Variants in PRKACB observed in about 807,000 individuals in gnomAD.
PRKACB encodes cAMP-dependent protein kinase catalytic subunit beta.
A neutral mutation model predicts 51.4 loss-of-function variants in PRKACB; 16 were observed. The observed-to-expected ratio is 0.31, with a 90% confidence interval of 0.21 to 0.47. The LOEUF (loss-of-function observed/expected upper bound fraction) is 0.47, where lower values mean the gene tolerates loss of function less well. Among genes scored for constraint, PRKACB ranks in the 20% least tolerant of loss-of-function variants. The probability of loss-of-function intolerance (pLI) is 1.00; values close to 1 mark genes in which losing one functional copy is unlikely to be tolerated. For synonymous variants in PRKACB, 147 were observed against 154.4 expected, an observed-to-expected ratio of 0.95 and a Z score of 0.35; for missense variants, 309 against 464.5, an observed-to-expected ratio of 0.67 and a Z score of 3.08.
At chr1:84,158,468 A>G (rs554978784) in intron 1 of PRKACB, among the ~76,000 whole-genome samples, 1 of 152,154 alleles carries the variant, frequency 6.6e-6, no homozygotes, top group South Asian at 2.1e-4. Context: ...TTGTGTATGT[A>G]CTTTGGAGAA....
intron 1 of PRKACB, among the ~76,000 whole-genome samples, chr1:84,114,518 G>A (rs573034329): frequency 4.1e-4 from 62 of 151,956 alleles, no homozygotes; most frequent in Middle Eastern, 3.4e-3. Context: ...TTACATGTAT[G>A]TAATTTATAG....
intron 1 of PRKACB, among the ~76,000 whole-genome samples, chr1:84,096,760 A>C (rs1488825127): frequency 6.6e-6 from 1 of 152,066 alleles, no homozygotes; most frequent in Non-Finnish European, 1.5e-5. Context: ...AATCTGTGCA[A>C]TGAATCATAG....
chr1:84,134,534 T>C (rs2100565332), intron 1 of PRKACB, among the ~76,000 whole-genome samples: 1 of 152,240 alleles, frequency 6.6e-6, no homozygotes, highest in East Asian at 1.9e-4. Flanking sequence ...TGGACTTAGA[T>C]TAGTTAAAAA....
chr1:84,123,937 G>A (rs1438403316), intron 1 of PRKACB, among the ~76,000 whole-genome samples: 1 of 152,038 alleles, frequency 6.6e-6, no homozygotes, highest in Non-Finnish European at 1.5e-5. Flanking sequence ...TAAATTAAAA[G>A]AGAGAAATTG....
At chr1:84,200,677 G>T (rs1044268357) in intron 7 of PRKACB, among the ~76,000 whole-genome samples, 1 of 152,102 alleles carries the variant, frequency 6.6e-6, no homozygotes, top group African/African-American at 2.4e-5. Context: ...ATAAGGAAGG[G>T]ATCTATCTTC....
chr1:84,219,137 A>G (rs1160926733), intron 9 of PRKACB, among the ~76,000 whole-genome samples: 1 of 151,310 alleles, frequency 6.6e-6, no homozygotes, highest in Non-Finnish European at 1.5e-5. Context: ...AAAAGCTTTT[A>G]ATTTAATATA....
intron 1 of PRKACB, among the ~76,000 whole-genome samples, chr1:84,080,433 T>A (rs1450862266): frequency 6.6e-6 from 1 of 152,214 alleles, no homozygotes; most frequent in African/African-American, 2.4e-5. Context: ...GTTAGTCAGC[T>A]TTTTGTGTAA....
At chr1:84,164,514 TA>T in intron 1 of PRKACB, 1 of 1,492,744 alleles carries the variant, frequency 6.7e-7, no homozygotes, top group South Asian at 1.2e-5. Flanking sequence ...TCTGGTAATT[TA>T]TAATCATGTG....
At chr1:84,128,171 G>C (rs760529870) in intron 1 of PRKACB, among the ~76,000 whole-genome samples, 1 of 151,146 alleles carries the variant, frequency 6.6e-6, no homozygotes, top group Non-Finnish European at 1.5e-5. Flanking sequence ...ACCACGCCCA[G>C]CTAATTTTTG....
rs1215922118 is a variant in PRKACB, at chr1:84,235,974, T to G, written c.*669T>G. ...TTCTAGTTCCCTTTCCCTCCTTTTA[T>G]ATCCTCCTCTCCTTGAGTAATGAAG... On this transcript the variant is annotated 3_prime_UTR_variant, in exon 10 of 10. Coordinates refer to ENST00000370685, the MANE Select transcript of PRKACB (RefSeq NM_182948.4). The G allele has an allele frequency of 6.6e-6, 1 of 152,650 alleles. No homozygotes were observed. The highest frequency in any genetic ancestry group is 2.4e-5 in the African/African-American group (1 of 41,462). 9.5% of individuals were successfully genotyped at this position (152,650 alleles called of 1,614,324 possible).
intron 1 of PRKACB, among the ~76,000 whole-genome samples, chr1:84,112,682 A>T (rs1200023566): frequency 6.6e-6 from 1 of 152,140 alleles, no homozygotes; most frequent in African/African-American, 2.4e-5. Context: ...CATTTTTGCA[A>T]CTGACAACCC....
chr1:84,104,840 T>G (rs1206675216), intron 1 of PRKACB, among the ~76,000 whole-genome samples: 2 of 152,126 alleles, frequency 1.3e-5, no homozygotes, highest in Non-Finnish European at 2.9e-5. Flanking sequence ...GTAAACAAAT[T>G]TATTTAAACC....
chr1:84,185,656 T>C (rs1006697708), intron 5 of PRKACB, among the ~76,000 whole-genome samples: 29 of 152,094 alleles, frequency 1.9e-4, no homozygotes, highest in Non-Finnish European at 3.8e-4. Flanking sequence ...TAAGTTTAGT[T>C]TTTAAAATAT....
rs75020939 is a variant in PRKACB, at chr1:84,211,178, T to C, written c.907-2975T>C. Among the ~76,000 whole-genome samples the C allele has an allele frequency of 9.1e-3, 1,390 of 152,214 alleles. 18 individuals are homozygous for C. Among genetic ancestry groups the C allele is most frequent in the African/African-American group, 0.032 (1,314 of 41,530 alleles). ...ACACACACGTTCAAGACCATCACTTTATTTGCATTCCAAAATAAAGAATTA... is the reference window on the plus strand; with the variant it reads ...ACACACACGTTCAAGACCATCACTTCATTTGCATTCCAAAATAAAGAATTA... On this transcript the variant is annotated intron_variant, in intron 8 of 9. Transcript: ENST00000370685.
intron 1 of PRKACB, among the ~76,000 whole-genome samples, chr1:84,090,285 A>G (rs539879277): frequency 6.6e-6 from 1 of 152,298 alleles, no homozygotes; most frequent in Admixed American, 6.5e-5. Context: ...AACCCCTTTA[A>G]CTTCTTCCTA....
intron 1 of PRKACB, among the ~76,000 whole-genome samples, chr1:84,162,507 A>G (rs2100705434): frequency 6.6e-6 from 1 of 151,968 alleles, no homozygotes; most frequent in East Asian, 1.9e-4. Context: ...CGACTGGATG[A>G]TTTCCATTGA....
At chr1:84,224,418 G>A (rs1459899151) in intron 9 of PRKACB, among the ~76,000 whole-genome samples, 3 of 152,202 alleles carry the variant, frequency 2.0e-5, no homozygotes, top group African/African-American at 7.2e-5. Context: ...CCAACCCTCA[G>A]GCTCCCAGGC....
intron 2 of PRKACB, among the ~76,000 whole-genome samples, chr1:84,179,517 A>T (rs1034171377): frequency 6.6e-6 from 1 of 151,812 alleles, no homozygotes; most frequent in Admixed American, 6.6e-5. Context: ...AAATATATTA[A>T]TTTTGAATTA....
intron 1 of PRKACB, among the ~76,000 whole-genome samples, chr1:84,091,584 A>G (rs1345039198): frequency 6.6e-6 from 1 of 152,004 alleles, no homozygotes; most frequent in African/African-American, 2.4e-5. Flanking sequence ...AGTCCCTGCA[A>G]CTGCTGCCTC....
Sources: allele counts gnomAD v4.1 joint callset (sites outside exome capture counted in the v4.1 genomes callset), GRCh38; gene constraint gnomAD v4.1.1; transcripts MANE v1.5; gene names NCBI Gene and HGNC (gene_info 2026-07-23, HGNC 2026-07-21).